Variants in UNKL observed in about 807,000 individuals in gnomAD.
UNKL encodes unk like zinc finger.
A neutral mutation model predicts 78.0 loss-of-function variants in UNKL; 60 were observed. The ratio of observed to expected loss-of-function variants is 0.77; its 90% confidence interval spans 0.63 to 0.95. The LOEUF is 0.95. Ranked by LOEUF, UNKL falls within the 40% of genes least tolerant of loss-of-function variation. UNKL has a pLI of 0.00. For missense variants in UNKL, 1,159 were observed against 1,045.7 expected (o/e 1.11, Z -1.49); for synonymous variants, 608 against 474.8 (o/e 1.28, Z -3.65).
Position 1,385,308 on chromosome 16 carries a change from G to T in UNKL, c.1164C>A (p.Ser388=). The stretch of plus-strand genomic sequence containing the variant: ...GGGAGGAGCTGCCGGAGCCGGCGCT[G>T]GACGCCAGGCTGGACGCCACGCTGG... The part of the protein sequence containing the change: ...VSSSVASSLA[S]SAGSGSSSPT... Residue 388 remains serine (S), a synonymous_variant, in exon 10 of 15, where the codon TCC becomes TCA. Coordinates refer to ENST00000389221, the MANE Select transcript of UNKL (RefSeq NM_001372107.1). The T allele has an allele frequency of 2.1e-6, 3 of 1,398,446 alleles. No homozygotes were observed. The highest frequency in any genetic ancestry group is 2.8e-6 in the Non-Finnish European group (3 of 1,081,492). The allele number at this position is 1,398,446 out of a possible 1,614,324, so 86.6% of individuals were successfully genotyped here.
chr16:1,394,030 C>A (rs1303865215), intron 7 of UNKL, 101 bp downstream of exon 7: 7 of 1,261,396 alleles, frequency 5.5e-6, no homozygotes, highest in Admixed American at 2.2e-5. Context: ...GCCCGCCTTC[C>A]AGGTCCTCGT....
At chr16:1,378,975 T>C (rs1031835376) in intron 10 of UNKL, 2 of 152,234 alleles carry the variant, frequency 1.3e-5, no homozygotes, top group Non-Finnish European at 2.9e-5. Context: ...AGCTGACCCT[T>C]GTGCAGAGGC....
chr16:1,377,995 C>A (rs1389948552), intron 10 of UNKL, among the ~76,000 whole-genome samples: 1 of 152,212 alleles, frequency 6.6e-6, no homozygotes, highest in Admixed American at 6.5e-5. Context: ...GAAGCTTGTG[C>A]CCTTGCGCGT....
rs59634277 is a variant in UNKL, at chr16:1,384,878, C to G, written c.1264+330G>C. Among the ~76,000 whole-genome samples, 474 of 152,264 alleles carry G rather than the reference C, an allele frequency of 3.1e-3. 8 individuals are homozygous for G. The highest frequency in any genetic ancestry group is 0.029 in the East Asian group (151 of 5,170). ...CCTCCCACAGCGCTGGGAGCACAGG[C>G]GGCCAACTCCCACAACTCCCATCAT... On this transcript the variant is annotated intron_variant, in intron 10 of 14. Transcript: ENST00000389221.
Position 1,367,864 on chromosome 16 carries a change from T to C in UNKL, c.1586-6A>G, listed in dbSNP as rs1195266528. 6.4e-7 allele frequency: 1 copy of C among 1,554,798 alleles called. No homozygotes were observed. The highest frequency in any genetic ancestry group is 8.7e-7 in the Non-Finnish European group (1 of 1,149,616). ...CCCGGGGACACCGTTCAAACCTGAG[T>C]GTGAAACGGTCGATGACGGCCCAGC... On this transcript the variant is annotated splice_polypyrimidine_tract_variant and splice_region_variant and intron_variant, in intron 12 of 14. Transcript: ENST00000389221.
Position 1,365,560 on chromosome 16 carries a change from TC to T in UNKL, c.*679del. 6.6e-6 allele frequency: 1 copy of T among 152,618 alleles called. No individual in the cohort carries two copies. The highest frequency in any genetic ancestry group is 1.5e-5 in the Non-Finnish European group (1 of 68,046). 9.5% of individuals were successfully genotyped at this position (152,618 alleles called of 1,614,324 possible). On this transcript the variant is annotated 3_prime_UTR_variant, in exon 15 of 15. Coordinates refer to ENST00000389221, the MANE Select transcript of UNKL (RefSeq NM_001372107.1). The stretch of plus-strand genomic sequence containing the variant: ...CACAGGCTCAGGAAAACTAGCTCCT[TC>T]CATCAAGTTAAAAACATCTCAATCC...
At chr16:1,392,650 G>A (rs908868554) in intron 8 of UNKL, among the ~76,000 whole-genome samples, 1 of 152,140 alleles carries the variant, frequency 6.6e-6, no homozygotes, top group African/African-American at 2.4e-5. Flanking sequence ...GGCCAGGCTG[G>A]TCTTGAACTC....
chr16:1,388,231 A>G (rs2036900546), intron 9 of UNKL, among the ~76,000 whole-genome samples: 1 of 152,156 alleles, frequency 6.6e-6, no homozygotes, highest in Non-Finnish European at 1.5e-5. Context: ...AGAATGCAGA[A>G]AGCCAGGAGG....
At chr16:1,388,318 G>A (rs984276236) in intron 9 of UNKL, among the ~76,000 whole-genome samples, 1 of 152,164 alleles carries the variant, frequency 6.6e-6, no homozygotes, top group Non-Finnish European at 1.5e-5. Flanking sequence ...CCCTCGGCTG[G>A]GACAGGCAGC....
chr16:1,383,809 G>A (rs1330122538), intron 10 of UNKL: 2 of 445,438 alleles, frequency 4.5e-6, no homozygotes, highest in Non-Finnish European at 9.2e-6. Flanking sequence ...TGTCCAGGCA[G>A]GGACTGCAGC....
intron 7 of UNKL, 21 bp downstream of exon 7, chr16:1,394,110 G>A (rs1307245672): frequency 4.5e-6 from 7 of 1,547,824 alleles, no homozygotes; most frequent in Middle Eastern, 1.7e-4. Context: ...AGGTGAACCT[G>A]CCACAGGGAC....
chr16:1,409,457 C>A lies in UNKL; in HGVS notation c.287+4389G>T, dbSNP rs79590264. On this transcript the variant is annotated intron_variant, in intron 2 of 14. Coordinates refer to ENST00000389221, the MANE Select transcript of UNKL (RefSeq NM_001372107.1). ...GTCAGACACTTCCTAAAGGGCCGGTCGAAGCAAGTCATTCACACGCTACAA... is the reference window on the plus strand; with the variant it reads ...GTCAGACACTTCCTAAAGGGCCGGTAGAAGCAAGTCATTCACACGCTACAA... Among the ~76,000 whole-genome samples the A allele has an allele frequency of 9.2e-3, 1,405 of 152,102 alleles. 17 individuals are homozygous for A. Among genetic ancestry groups the A allele is most frequent in the African/African-American group, 0.031 (1,299 of 41,472 alleles).
rs752678819 is a variant in UNKL, at chr16:1,372,284, C to CA, written c.1265-674dup. 8.0e-3 allele frequency among the ~76,000 whole-genome samples: 1,192 copies of CA among 148,606 alleles called. 9 individuals carry two copies. The highest frequency in any genetic ancestry group is 0.026 in the African/African-American group (1,073 of 40,610). On this transcript the variant is annotated intron_variant, in intron 10 of 14. Coordinates refer to ENST00000389221, the MANE Select transcript of UNKL (RefSeq NM_001372107.1). ...ATCTCAAAAAAAACAAAAACAAAAA[C>CA]AAAAAAAAAACTTTCTGTGAGGGTG... is the stretch of plus-strand genomic sequence containing the variant.
rs767662869 is a variant in UNKL, at chr16:1,401,609, G to T, written c.557C>A (p.Ala186Asp). 6.2e-7 allele frequency: 1 copy of T among 1,607,742 alleles called. No individual in the cohort carries two copies. Among genetic ancestry groups the T allele is most frequent in the East Asian group, 2.2e-5 (1 of 44,720 alleles). ...CTCGCTCAGGATCTTCTCAATCATG[G>T]CCTGGCTGGCCAAGACCCCAGGCTG... is the stretch of plus-strand genomic sequence containing the variant. Reference protein sequence around the residue: ...DLQPGVLASQAMIEKILSEDP... With the variant: ...DLQPGVLASQDMIEKILSEDP... Residue 186 changes from alanine to aspartate, a missense_variant, in exon 4 of 15, where the codon GCC (alanine) becomes GAC (aspartate). Transcript: ENST00000389221.
chr16:1,384,670 C>T (rs561480219), intron 10 of UNKL, among the ~76,000 whole-genome samples: 8 of 152,106 alleles, frequency 5.3e-5, no homozygotes, highest in Non-Finnish European at 1.0e-4. Flanking sequence ...GTAATCACAG[C>T]TCACTGCAGC....
Position 1,363,799 on chromosome 16 carries a change from C to A in UNKL, c.*2441G>T. 1 of 158,898 alleles carries A rather than the reference C, an allele frequency of 6.3e-6. No individual in the cohort carries two copies. Among genetic ancestry groups the A allele is most frequent in the East Asian group, 1.9e-4 (1 of 5,374 alleles). The allele number at this position is 158,898 out of a possible 1,614,324, so 9.8% of individuals were successfully genotyped here. On this transcript the variant is annotated 3_prime_UTR_variant, in exon 15 of 15. Coordinates refer to ENST00000389221, the MANE Select transcript of UNKL (RefSeq NM_001372107.1). ...GCGCTGCCAGCCATTCTTTGGTCTT[C>A]CCACTGCTCACCTGTCCTCAGAGCC... is the stretch of plus-strand genomic sequence containing the variant.
chr16:1,403,079 G>T lies in UNKL; in HGVS notation c.464+89C>A, dbSNP rs1424831796. 6 of 1,425,886 alleles carry T rather than the reference G, an allele frequency of 4.2e-6. No individual in the cohort carries two copies. Among genetic ancestry groups the T allele is most frequent in the Non-Finnish European group, 5.6e-6 (6 of 1,069,360 alleles). The allele number at this position is 1,425,886 out of a possible 1,614,324, so 88.3% of individuals were successfully genotyped here. A position where few individuals can be genotyped will look rare whatever the true frequency, so the allele number is the denominator to read the frequency against. Reference sequence around the variant, plus strand: ...GGGCCAGCAGAGCCTGCAGCAGCAGGGAGGCGAGCCACTTGCCGAGTTCCT... The same window carrying T: ...GGGCCAGCAGAGCCTGCAGCAGCAGTGAGGCGAGCCACTTGCCGAGTTCCT... On this transcript the variant is annotated intron_variant, in intron 3 of 14. Transcript: ENST00000389221. This position sits in a 1 kb window ranked among gnomAD's most constrained non-coding sequence, Gnocchi z 4.8.
chr16:1,366,633 C>G (rs1037671730), intron 14 of UNKL, among the ~76,000 whole-genome samples: 1 of 152,198 alleles, frequency 6.6e-6, no homozygotes, highest in East Asian at 1.9e-4. Context: ...GGGGCCACCA[C>G]AGACACGGCA....
At chr16:1,388,879 G>A (rs2036927498) in intron 9 of UNKL, among the ~76,000 whole-genome samples, 1 of 151,956 alleles carries the variant, frequency 6.6e-6, no homozygotes, top group African/African-American at 2.4e-5. Flanking sequence ...TGCCTGCCTG[G>A]TTTTTCTTCT....
Sources: allele counts gnomAD v4.1 joint callset (sites outside exome capture counted in the v4.1 genomes callset), GRCh38; gene constraint gnomAD v4.1.1; non-coding constraint Gnocchi (gnomAD v3.1); transcripts MANE v1.5; gene names NCBI Gene and HGNC (gene_info 2026-07-23, HGNC 2026-07-21).